CATSPERT: variants seen among roughly 807,000 people sequenced by gnomAD.
CATSPERT encodes the protein catsper channel auxiliary subunit tau.
chr2:201,499,840 TTA>T, the CATSPERT span, among the ~76,000 whole-genome samples: 17 of 146,594 alleles, frequency 1.2e-4, no homozygotes, highest in East Asian at 1.8e-3. Flanking sequence ...CTAAAAAAAA[TTA>T]TATATATATA....
chr2:201,515,219 T>TAG, the CATSPERT span, among the ~76,000 whole-genome samples: 488 of 46,536 alleles, frequency 0.01, 99 homozygotes, highest in African/African-American at 0.029. Flanking sequence ...TTTTTTTTTT[T>TAG]TTTTTTTTTT....
the CATSPERT span, among the ~76,000 whole-genome samples, chr2:201,542,789 C>A: frequency 6.6e-6 from 1 of 152,016 alleles, no homozygotes; most frequent in Non-Finnish European, 1.5e-5. Context: ...CAAATATATT[C>A]CCCCATTCTG....
At chr2:201,499,020 TC>T in the CATSPERT span, among the ~76,000 whole-genome samples, 2 of 151,030 alleles carry the variant, frequency 1.3e-5, no homozygotes, top group African/African-American at 4.9e-5. Context: ...AAATGTAGAG[TC>T]CTCAGCCATC....
chr2:201,487,946 TA>T, the CATSPERT span: 1 of 1,476,208 alleles, frequency 6.8e-7, no homozygotes, highest in Non-Finnish European at 9.1e-7. Flanking sequence ...TTAGGTTTCT[TA>T]AAAGTAGGTT....
the CATSPERT span, among the ~76,000 whole-genome samples, chr2:201,499,026 G>C: frequency 1.3e-5 from 2 of 151,606 alleles, no homozygotes. Context: ...AGAGTCCTCA[G>C]CCATCCTACC....
At chr2:201,571,231 G>A in the CATSPERT span, among the ~76,000 whole-genome samples, 6 of 152,182 alleles carry the variant, frequency 3.9e-5, no homozygotes, top group Non-Finnish European at 8.8e-5. Context: ...AATAGATAAA[G>A]TATTTTAATG....
chr2:201,505,963 T>C, the CATSPERT span, among the ~76,000 whole-genome samples: 1 of 152,118 alleles, frequency 6.6e-6, no homozygotes, highest in African/African-American at 2.4e-5. Context: ...AAAACTAATC[T>C]ACTTATAAAA....
the CATSPERT span, among the ~76,000 whole-genome samples, chr2:201,585,171 G>T: frequency 6.6e-6 from 1 of 152,008 alleles, no homozygotes; most frequent in African/African-American, 2.4e-5. Context: ...CTCATAAGTG[G>T]GAGTTGAACA....
the CATSPERT span, chr2:201,557,291 C>T: frequency 6.6e-6 from 1 of 152,198 alleles, no homozygotes; most frequent in African/African-American, 2.4e-5. Context: ...CAACTGGCAA[C>T]TCTATTGGAT....
At chr2:201,538,458 T>A in the CATSPERT span, among the ~76,000 whole-genome samples, 1 of 152,128 alleles carries the variant, frequency 6.6e-6, no homozygotes, top group African/African-American at 2.4e-5. Flanking sequence ...CAACCTTGCG[T>A]TGAGCAAGAC....
chr2:201,616,654 G>T, the CATSPERT span, among the ~76,000 whole-genome samples: 62,468 of 151,988 alleles, frequency 0.41, 13,253 homozygotes, highest in East Asian at 0.63. Context: ...GCACAAGACA[G>T]GGATGCCCTC....
chr2:201,572,653 C>T, the CATSPERT span, among the ~76,000 whole-genome samples: 2 of 151,934 alleles, frequency 1.3e-5, no homozygotes, highest in Non-Finnish European at 2.9e-5. Context: ...AGTTGGTGCT[C>T]ATAAGCTATA....
chr2:201,569,105 C>T, the CATSPERT span, among the ~76,000 whole-genome samples: 8 of 152,112 alleles, frequency 5.3e-5, no homozygotes, highest in Non-Finnish European at 1.2e-4. Flanking sequence ...ACAAATACCA[C>T]GGTAAAAGGC....
At chr2:201,579,847 CTTTT>C in the CATSPERT span, among the ~76,000 whole-genome samples, 1 of 145,750 alleles carries the variant, frequency 6.9e-6, no homozygotes. Context: ...ACACTTCTTT[CTTTT>C]TCTTTTTTTT....
chr2:201,552,161 T>G, the CATSPERT span, among the ~76,000 whole-genome samples: 1 of 151,968 alleles, frequency 6.6e-6, no homozygotes, highest in Non-Finnish European at 1.5e-5. Flanking sequence ...AGTTTTGTAT[T>G]TTTTGTGACA....
the CATSPERT span, among the ~76,000 whole-genome samples, chr2:201,587,761 A>G: frequency 1.2e-4 from 18 of 152,102 alleles, no homozygotes; most frequent in Non-Finnish European, 2.5e-4. Context: ...TAGTTCTTTA[A>G]ATATTTCCTC....
At chr2:201,541,555 ATATATATATATATATAT>A in the CATSPERT span, among the ~76,000 whole-genome samples, 1 of 122,214 alleles carries the variant, frequency 8.2e-6, no homozygotes, top group African/African-American at 3.2e-5. Flanking sequence ...ATATATATAT[ATATATATATATATATAT>A]ATATATAAAA....
At chr2:201,562,931 C>A in the CATSPERT span, among the ~76,000 whole-genome samples, 6 of 144,884 alleles carry the variant, frequency 4.1e-5, no homozygotes, top group East Asian at 4.1e-4. Context: ...ACACAGACAC[C>A]GCAACCATCC....
chr2:201,531,602 A>C, the CATSPERT span, among the ~76,000 whole-genome samples: 1 of 152,262 alleles, frequency 6.6e-6, no homozygotes, highest in Non-Finnish European at 1.5e-5. Context: ...AGGAGCCCCC[A>C]AACCCAGCCT....
Sources: allele counts gnomAD v4.1 joint callset (sites outside exome capture counted in the v4.1 genomes callset), GRCh38; gene constraint gnomAD v4.1.1; transcripts MANE v1.5; gene names NCBI Gene and HGNC (gene_info 2026-07-23, HGNC 2026-07-21).